ZBTB20: variants seen among roughly 807,000 people sequenced by gnomAD.
The protein encoded by ZBTB20 is zinc finger and BTB domain containing 20, also known as zinc finger and BTB domain-containing protein 20.
Under a neutral mutation model 56.9 loss-of-function variants are expected in ZBTB20, and 9 were observed. That is an observed-to-expected ratio of 0.16 (90% CI 0.10 to 0.28). The LOEUF (loss-of-function observed/expected upper bound fraction) is 0.28. Among genes scored for constraint, ZBTB20 ranks in the 10% least tolerant of loss-of-function variants. ZBTB20 has a pLI of 1.00. For synonymous variants in ZBTB20, 417 were observed against 420.7 expected (o/e 0.99, Z 0.11); for missense variants, 655 against 1,003.0 (o/e 0.65, Z 4.69).
chr3:114,938,435 A>G (rs2107839490), intron 3 of ZBTB20, among the ~76,000 whole-genome samples: 1 of 146,268 alleles, frequency 6.8e-6, no homozygotes, highest in South Asian at 2.1e-4. Flanking sequence ...AATGCCCATC[A>G]ATGATAGACT....
intron 2 of ZBTB20, among the ~76,000 whole-genome samples, chr3:115,043,481 C>A (rs1363004580): frequency 1.3e-5 from 2 of 151,310 alleles, no homozygotes; most frequent in Non-Finnish European, 2.9e-5. Flanking sequence ...AGGCAAGAGA[C>A]TCGCTTGAAA....
intron 6 of ZBTB20, among the ~76,000 whole-genome samples, chr3:114,567,412 T>C (rs965611883): frequency 6.6e-6 from 1 of 152,212 alleles, no homozygotes; most frequent in Admixed American, 6.5e-5. Flanking sequence ...TTCTGTTATG[T>C]TATTGGCATT....
At chr3:114,352,979 C>T (rs1284826323) in intron 10 of ZBTB20, among the ~76,000 whole-genome samples, 1 of 152,148 alleles carries the variant, frequency 6.6e-6, no homozygotes, top group Non-Finnish European at 1.5e-5. Flanking sequence ...ATAACGTAGG[C>T]TGTTATGGCA....
chr3:115,000,020 A>G (rs973975705), intron 2 of ZBTB20, among the ~76,000 whole-genome samples: 2 of 151,564 alleles, frequency 1.3e-5, no homozygotes, highest in African/African-American at 2.4e-5. Flanking sequence ...AATGACCTAG[A>G]CTATTTAGTG....
chr3:114,339,495 AG>A lies in ZBTB20; in HGVS notation c.1805-70del. On this transcript the variant is annotated intron_variant, in intron 11 of 11. Transcript: ENST00000675478. The surrounding 1 kb of genome is among the most constrained non-coding windows in gnomAD (Gnocchi z 4.2). Reference sequence around the variant, plus strand: ...TAGCAAGGGATAGAGAATGAAGGACAGGAAAAACAAGACAACAAAAAAGAAA... The same window carrying A: ...TAGCAAGGGATAGAGAATGAAGGACAGAAAAACAAGACAACAAAAAAGAAA... 1 of 1,479,172 alleles carries A rather than the reference AG, an allele frequency of 6.8e-7. No homozygotes were observed. Among genetic ancestry groups the A allele is most frequent in the African/African-American group, 1.4e-5 (1 of 70,906 alleles). 91.6% of individuals were successfully genotyped at this position (1,479,172 alleles called of 1,614,324 possible). A position where few individuals can be genotyped will look rare whatever the true frequency, so the allele number is the denominator to read the frequency against.
intron 7 of ZBTB20, among the ~76,000 whole-genome samples, chr3:114,407,023 C>G (rs2087399244): frequency 6.6e-6 from 1 of 152,128 alleles, no homozygotes; most frequent in Non-Finnish European, 1.5e-5. Context: ...ACTTTTCTTA[C>G]TTGTGGTGAG....
intron 2 of ZBTB20, among the ~76,000 whole-genome samples, chr3:115,061,927 C>T (rs1197232721): frequency 6.6e-6 from 1 of 152,142 alleles, no homozygotes; most frequent in Non-Finnish European, 1.5e-5. Context: ...TTACCAACCA[C>T]TACAAATTAT....
intron 4 of ZBTB20, among the ~76,000 whole-genome samples, chr3:114,864,980 A>G (rs2075704365): frequency 6.6e-6 from 1 of 152,184 alleles, no homozygotes; most frequent in African/African-American, 2.4e-5. Flanking sequence ...TAATATACAC[A>G]TTATAATTTT....
rs955454577 is a variant in ZBTB20, at chr3:115,007,621, AAAAG to A, written c.-506-33209_-506-33206del. On this transcript the variant is annotated intron_variant, in intron 2 of 11. Coordinates refer to ENST00000675478, the MANE Select transcript of ZBTB20 (RefSeq NM_001348800.3). ...ATACATAAAAATAAGCATACAATAG[AAAAG>A]AAAGAAAATCCTTTTTTGAAGATTT... 5.9e-4 allele frequency among the ~76,000 whole-genome samples: 90 copies of A among 151,910 alleles called. 7 individuals carry two copies. The highest frequency in any genetic ancestry group is 1.5e-5 in the Non-Finnish European group (1 of 67,880).
chr3:114,417,080 A>G (rs2088636284), intron 7 of ZBTB20, among the ~76,000 whole-genome samples: 2 of 152,104 alleles, frequency 1.3e-5, no homozygotes, highest in South Asian at 4.1e-4. Flanking sequence ...AGTGTGTTGT[A>G]ACATAATAAA....
intron 7 of ZBTB20, among the ~76,000 whole-genome samples, chr3:114,471,889 G>A (rs907978229): frequency 1.3e-5 from 2 of 152,162 alleles, no homozygotes; most frequent in African/African-American, 4.8e-5. Flanking sequence ...AAGGTTACCA[G>A]ATCACCTAAC....
At chr3:114,513,762 T>A (rs2045669401) in intron 6 of ZBTB20, among the ~76,000 whole-genome samples, 1 of 152,114 alleles carries the variant, frequency 6.6e-6, no homozygotes, top group Non-Finnish European at 1.5e-5. Flanking sequence ...ACTTTTTCAA[T>A]CTCCTCACTG....
At chr3:114,704,201 T>C (rs527272314) in intron 5 of ZBTB20, among the ~76,000 whole-genome samples, 1 of 152,172 alleles carries the variant, frequency 6.6e-6, no homozygotes, top group African/African-American at 2.4e-5. Context: ...CAGTTACTGA[T>C]TTCTAACTCT....
At chr3:115,090,594 G>A (rs1021514936) in intron 1 of ZBTB20, among the ~76,000 whole-genome samples, 13 of 151,582 alleles carry the variant, frequency 8.6e-5, no homozygotes, top group Admixed American at 5.9e-4. Flanking sequence ...AACACCATGC[G>A]TTTCACTGTT....
At chr3:115,057,616 T>C (rs2081854853) in intron 2 of ZBTB20, among the ~76,000 whole-genome samples, 1 of 152,206 alleles carries the variant, frequency 6.6e-6, no homozygotes. Flanking sequence ...TTTACTCATA[T>C]ATTTACCATT....
intron 2 of ZBTB20, among the ~76,000 whole-genome samples, chr3:114,978,683 T>G (rs1576474730): frequency 6.6e-6 from 1 of 151,766 alleles, no homozygotes; most frequent in Non-Finnish European, 1.5e-5. Flanking sequence ...TGTGTGTGTG[T>G]GTGCTTGTGT....
At chr3:114,928,308 A>G (rs1239219603) in intron 3 of ZBTB20, among the ~76,000 whole-genome samples, 3 of 151,130 alleles carry the variant, frequency 2.0e-5, no homozygotes, top group Non-Finnish European at 3.0e-5. Flanking sequence ...GGCAGCCTCA[A>G]GGTTCTTCAA....
rs1663936536 is a variant in ZBTB20 at position 115,128,889 on chromosome 3, G to A, written c.-703+18330C>T. Among the ~76,000 whole-genome samples, 3 of 152,094 alleles carry A rather than the reference G, an allele frequency of 2.0e-5. No individual in the cohort carries two copies. In the South Asian group the frequency reaches 6.2e-4, roughly 31 times the overall value. Reference sequence around the variant, plus strand: ...CCCAGGCAGGCAGATCACGAGGTCAGGAGATCGAGACCATCCTGGCTAACA... The same window carrying A: ...CCCAGGCAGGCAGATCACGAGGTCAAGAGATCGAGACCATCCTGGCTAACA... On this transcript the variant is annotated intron_variant, in intron 1 of 11. Coordinates refer to ENST00000675478, the MANE Select transcript of ZBTB20 (RefSeq NM_001348800.3).
At chr3:114,361,978 G>A (rs1373707606) in intron 10 of ZBTB20, among the ~76,000 whole-genome samples, 2 of 152,174 alleles carry the variant, frequency 1.3e-5, no homozygotes, top group Non-Finnish European at 2.9e-5. Context: ...TTGTGGGGTG[G>A]TCAAGCAATG....
Sources: gnomAD v4.1 joint callset for allele counts (sites outside exome capture counted in the v4.1 genomes callset) on GRCh38, gnomAD v4.1.1 for gene constraint, Gnocchi (gnomAD v3.1) non-coding constraint, MANE v1.5 for transcripts, NCBI Gene and HGNC (gene_info 2026-07-23, HGNC 2026-07-21) for gene names.